GPM6A: variants seen among roughly 807,000 people sequenced by gnomAD.
GPM6A encodes neuronal membrane glycoprotein M6-a.
GPM6A carries 7 observed loss-of-function variants against 32.1 expected under a neutral mutation model. The observed-to-expected ratio is 0.22, with a 90% CI of 0.12 to 0.41. The LOEUF (loss-of-function observed/expected upper bound fraction) is 0.41. Ranked by LOEUF, GPM6A falls within the 10% of genes least tolerant of loss-of-function variation. The pLI is 1.00. For missense variants in GPM6A, 235 were observed against 347.2 expected (o/e 0.68, Z 2.57); for synonymous variants, 130 against 123.4 (o/e 1.05, Z -0.35).
chr4:175,754,817 G>C (rs1732467263), intron 1 of GPM6A, among the ~76,000 whole-genome samples: 1 of 152,012 alleles, frequency 6.6e-6, no homozygotes, highest in Non-Finnish European at 1.5e-5. Context: ...CATCTTCTCA[G>C]CTATTTATTC....
intron 1 of GPM6A, among the ~76,000 whole-genome samples, chr4:175,722,887 T>TA (rs33929858): frequency 0.37 from 55,377 of 148,084 alleles, 12,635 homozygotes; most frequent in East Asian, 0.66. Context: ...ACAAAGAAAT[T>TA]AAAAAAAAAA....
intron 2 of GPM6A, among the ~76,000 whole-genome samples, chr4:175,678,793 T>A (rs1743518768): frequency 1.3e-5 from 2 of 152,190 alleles, no homozygotes; most frequent in South Asian, 4.1e-4. Flanking sequence ...TACAATTCTT[T>A]TGGTGAAAAT....
intron 1 of GPM6A, among the ~76,000 whole-genome samples, chr4:175,989,028 T>C (rs938900905): frequency 3.3e-5 from 5 of 152,146 alleles, no homozygotes; most frequent in Non-Finnish European, 7.4e-5. Flanking sequence ...TTTGGAGGAA[T>C]TGGAAGATCA....
intron 1 of GPM6A, among the ~76,000 whole-genome samples, chr4:175,850,538 G>A (rs1008935862): frequency 2.0e-5 from 3 of 152,082 alleles, no homozygotes; most frequent in South Asian, 2.1e-4. Context: ...AATACACCAT[G>A]TGGGAAGAAG....
At chr4:175,848,813 T>TGATGCC (rs1736166048) in intron 1 of GPM6A, among the ~76,000 whole-genome samples, 1 of 152,180 alleles carries the variant, frequency 6.6e-6, no homozygotes, top group Non-Finnish European at 1.5e-5. Flanking sequence ...GTCTAATAAA[T>TGATGCC]ACTATTATTG....
chr4:175,873,497 A>G (rs962408197), intron 1 of GPM6A, among the ~76,000 whole-genome samples: 2 of 152,092 alleles, frequency 1.3e-5, no homozygotes, highest in African/African-American at 4.8e-5. Context: ...AATCAATGGG[A>G]AATATATTTT....
At chr4:175,675,712 C>T (rs375271241) in intron 2 of GPM6A, among the ~76,000 whole-genome samples, 2 of 152,074 alleles carry the variant, frequency 1.3e-5, no homozygotes, top group African/African-American at 2.4e-5. Context: ...TGCAGTGACA[C>T]GAGCATGGCT....
At chr4:175,670,380 A>C (rs1742986832) in intron 3 of GPM6A, among the ~76,000 whole-genome samples, 1 of 152,232 alleles carries the variant, frequency 6.6e-6, no homozygotes. Context: ...GGCAAAAAAT[A>C]TCTCAAGATT....
intron 3 of GPM6A, among the ~76,000 whole-genome samples, chr4:175,665,833 T>C (rs115641088): frequency 0.14 from 20,750 of 151,766 alleles, 1,928 homozygotes; most frequent in Non-Finnish European, 0.2. Flanking sequence ...CCAGCAAATA[T>C]TACTGCAAAG....
intron 1 of GPM6A, among the ~76,000 whole-genome samples, chr4:175,870,378 C>T (rs1579582771): frequency 6.6e-6 from 1 of 152,244 alleles, no homozygotes; most frequent in East Asian, 1.9e-4. Context: ...TCTTAGGCTA[C>T]CTTGTTGACA....
chr4:175,680,027 TTG>T (rs1743593263), intron 2 of GPM6A, among the ~76,000 whole-genome samples: 1 of 152,188 alleles, frequency 6.6e-6, no homozygotes, highest in South Asian at 2.1e-4. Context: ...ATTGCAAATG[TTG>T]TGTCTTTACC....
intron 1 of GPM6A, chr4:175,811,743 A>C (rs1734927694): frequency 6.5e-6 from 1 of 152,762 alleles, no homozygotes; most frequent in South Asian, 2.1e-4. Flanking sequence ...CACCAATCAA[A>C]AGATAATTAA....
At chr4:175,870,631 C>T (rs1224649184) in intron 1 of GPM6A, among the ~76,000 whole-genome samples, 1 of 152,168 alleles carries the variant, frequency 6.6e-6, no homozygotes, top group Non-Finnish European at 1.5e-5. Context: ...TCTTACACTA[C>T]ATCGCTTCTC....
At chr4:175,893,310 C>T (rs918019193) in intron 1 of GPM6A, among the ~76,000 whole-genome samples, 2 of 152,060 alleles carry the variant, frequency 1.3e-5, no homozygotes, top group African/African-American at 4.8e-5. Flanking sequence ...TGTGATATGC[C>T]GTAGGAAAGG....
chr4:175,707,792 T>C (rs1040946713), intron 1 of GPM6A, among the ~76,000 whole-genome samples: 1 of 152,240 alleles, frequency 6.6e-6, no homozygotes, highest in Non-Finnish European at 1.5e-5. Flanking sequence ...ACTTATGCTT[T>C]TACCATTAAG....
At chr4:175,846,491 C>G (rs1001605320) in intron 1 of GPM6A, among the ~76,000 whole-genome samples, 65 of 152,158 alleles carry the variant, frequency 4.3e-4, no homozygotes, top group African/African-American at 1.5e-3. Context: ...ATTCCCTTTG[C>G]CCAGGTTGTA....
At chr4:175,700,789 T>C (rs1744836848) in intron 2 of GPM6A, among the ~76,000 whole-genome samples, 1 of 152,142 alleles carries the variant, frequency 6.6e-6, no homozygotes, top group African/African-American at 2.4e-5. Flanking sequence ...TAATAAATTA[T>C]TTTCTTTTCA....
intron 3 of GPM6A, among the ~76,000 whole-genome samples, chr4:175,669,639 T>C (rs566401539): frequency 6.6e-6 from 1 of 152,320 alleles, no homozygotes; most frequent in South Asian, 2.1e-4. Flanking sequence ...ATTTTGTTTC[T>C]TTAAAACTTA....
At chr4:175,932,718 T>A (rs1739092104) in intron 1 of GPM6A, among the ~76,000 whole-genome samples, 1 of 152,144 alleles carries the variant, frequency 6.6e-6, no homozygotes. Flanking sequence ...AGAACACTGT[T>A]TTATGGTTCT....
Sources: allele counts gnomAD v4.1 joint callset (sites outside exome capture counted in the v4.1 genomes callset), GRCh38; gene constraint gnomAD v4.1.1; transcripts MANE v1.5; gene names NCBI Gene and HGNC (gene_info 2026-07-23, HGNC 2026-07-21).